Variants in REPS1 observed in about 807,000 individuals in gnomAD.
REPS1 encodes the protein RALBP1 associated Eps domain containing 1, also known as ralBP1-associated Eps domain-containing protein 1.
In REPS1, 39 loss-of-function variants were observed where a neutral mutation model predicts 100.9. The ratio of observed to expected loss-of-function variants is 0.39; its 90% CI spans 0.30 to 0.50. The LOEUF is 0.50. Among genes scored for constraint, REPS1 ranks in the 20% least tolerant of loss-of-function variants. The pLI is 0.86. For missense variants in REPS1, 821 were observed against 968.5 expected (o/e 0.85, Z 2.02); for synonymous variants, 324 against 340.3 (o/e 0.95, Z 0.53).
At position 138,988,201 on chromosome 6, in the gene REPS1, C is replaced by T. The variant is rs1785392994; in HGVS notation, c.-519G>A. The T allele has an allele frequency of 1.5e-5, 6 of 398,536 alleles. No homozygotes were observed. In the Admixed American group the frequency reaches 2.6e-4, roughly 18 times the overall value. The allele number at this position is 398,536 out of a possible 1,614,324, so 24.7% of individuals were successfully genotyped here. On this transcript the variant is annotated 5_prime_UTR_variant, in exon 1 of 20. Coordinates refer to ENST00000450536, the MANE Select transcript of REPS1 (RefSeq NM_001286611.2). ...GTGGCCGCCGCTCCGCCTCCCTCCG[C>T]CGCCATTTACAGTGCCCCGGCCCGG...
At chr6:138,919,700 G>T (rs192932531) in intron 12 of REPS1, among the ~76,000 whole-genome samples, 20 of 152,092 alleles carry the variant, frequency 1.3e-4, no homozygotes, top group African/African-American at 4.3e-4. Context: ...CATTTTTTTG[G>T]TAAGGCCTTC....
chr6:138,954,751 G>A (rs761271777), intron 1 of REPS1, among the ~76,000 whole-genome samples: 1 of 152,104 alleles, frequency 6.6e-6, no homozygotes, highest in South Asian at 2.1e-4. Flanking sequence ...TAATCCCAAG[G>A]TATCCTATTA....
intron 14 of REPS1, 63 bp downstream of exon 14, chr6:138,915,795 T>A: frequency 8.7e-7 from 1 of 1,147,632 alleles, no homozygotes; most frequent in Admixed American, 2.0e-5. Context: ...ATAAAATGTG[T>A]ATGTGTGTTG....
intron 1 of REPS1, among the ~76,000 whole-genome samples, chr6:138,970,986 T>C (rs975101545): frequency 1.3e-5 from 2 of 152,108 alleles, no homozygotes; most frequent in Non-Finnish European, 2.9e-5. Flanking sequence ...AAAATAACCA[T>C]GAAACAATAC....
intron 1 of REPS1, among the ~76,000 whole-genome samples, chr6:138,964,802 T>C (rs560635894): frequency 1.3e-5 from 2 of 152,212 alleles, no homozygotes; most frequent in East Asian, 3.9e-4. Flanking sequence ...ATACATATTC[T>C]TCTTCCTCTA....
At chr6:138,966,293 G>A (rs543678713) in intron 1 of REPS1, among the ~76,000 whole-genome samples, 6 of 152,192 alleles carry the variant, frequency 3.9e-5, no homozygotes, top group Middle Eastern at 3.4e-3. Context: ...GGTCAAGCAG[G>A]AGCAAATGGG....
chr6:138,903,783 A>T lies in REPS1; in HGVS notation c.*1281T>A, dbSNP rs999277492. The T allele has an allele frequency of 6.6e-6, 1 of 152,200 alleles. No individual in the cohort carries two copies. Among genetic ancestry groups the T allele is most frequent in the Non-Finnish European group, 1.5e-5 (1 of 68,034 alleles). The allele number at this position is 152,200 out of a possible 1,614,324, so 9.4% of individuals were successfully genotyped here. A position where few individuals can be genotyped will look rare whatever the true frequency, so the allele number is the denominator to read the frequency against. The stretch of plus-strand genomic sequence containing the variant: ...ATACTGAAAGCCACTTGGAAACTTC[A>T]GCTGATGTATATTTTTACCTAGATA... On this transcript the variant is annotated 3_prime_UTR_variant, in exon 20 of 20. Transcript: ENST00000450536.
chr6:138,984,298 G>A (rs1785130743), intron 1 of REPS1, among the ~76,000 whole-genome samples: 1 of 151,846 alleles, frequency 6.6e-6, no homozygotes, highest in South Asian at 2.1e-4. Flanking sequence ...GGCCAGGTTG[G>A]TCTCCAACTC....
At chr6:138,941,247 G>C in intron 8 of REPS1, 88 bp downstream of exon 8, 5 of 1,403,714 alleles carry the variant, frequency 3.6e-6, no homozygotes, top group Non-Finnish European at 4.9e-6. Flanking sequence ...ATTAAGCTAA[G>C]GTTAACCTCT....
intron 1 of REPS1, among the ~76,000 whole-genome samples, chr6:138,957,527 G>T (rs191881223): frequency 6.6e-6 from 1 of 152,208 alleles, no homozygotes. Context: ...GAAAAATATT[G>T]AAGGATGTCA....
At chr6:138,987,068 T>C (rs1243576518) in intron 1 of REPS1, among the ~76,000 whole-genome samples, 1 of 152,216 alleles carries the variant, frequency 6.6e-6, no homozygotes, top group Admixed American at 6.5e-5. Flanking sequence ...AAAAAACTGC[T>C]TCTTCGATTC....
intron 1 of REPS1, among the ~76,000 whole-genome samples, chr6:138,958,921 A>C (rs190423339): frequency 6.6e-6 from 1 of 152,334 alleles, no homozygotes; most frequent in East Asian, 1.9e-4. Context: ...GGAGAAAATT[A>C]CATGAGCATC....
chr6:138,937,077 A>G (rs562255231), intron 8 of REPS1, among the ~76,000 whole-genome samples: 34 of 151,784 alleles, frequency 2.2e-4, no homozygotes, highest in Non-Finnish European at 3.7e-4. Flanking sequence ...TCTTACATGG[A>G]TGGCAGGAGG....
intron 16 of REPS1, among the ~76,000 whole-genome samples, chr6:138,912,284 A>G (rs1481361973): frequency 1.3e-5 from 2 of 152,232 alleles, no homozygotes; most frequent in African/African-American, 4.8e-5. Context: ...GTCTTTGCTT[A>G]ACTAAGGCAA....
chr6:138,930,004 T>C lies in REPS1; in HGVS notation c.1230A>G (p.Thr410=). Reference sequence around the variant, plus strand: ...CACTGCTCTGATTCAGCTCAGGCCATGTCTGGTTTAGTGATGGCATCGATG... The same window carrying C: ...CACTGCTCTGATTCAGCTCAGGCCACGTCTGGTTTAGTGATGGCATCGATG... ...KSPSMPSLNQ[T]WPELNQSSEQ... Residue 410 remains threonine (T), a synonymous_variant, in exon 9 of 20, where the codon ACA becomes ACG. Coordinates refer to ENST00000450536, the MANE Select transcript of REPS1 (RefSeq NM_001286611.2). 6.2e-7 allele frequency: 1 copy of C among 1,613,724 alleles called. No individual in the cohort carries two copies.
At position 138,915,483 on chromosome 6, in the gene REPS1, C is replaced by T. The variant is rs562560240; in HGVS notation, c.1720+375G>A. ...TTTTTTTTTTTTGGAGACAGGGTCT[C>T]ACTCTGTCACCCAGGCTGGAGTGCA... On this transcript the variant is annotated intron_variant, in intron 14 of 19. Coordinates refer to ENST00000450536, the MANE Select transcript of REPS1 (RefSeq NM_001286611.2). Among the ~76,000 whole-genome samples, 5 of 147,514 alleles carry T rather than the reference C, an allele frequency of 3.4e-5. No individual in the cohort carries two copies. In the South Asian group the frequency reaches 8.5e-4, roughly 25 times the overall value.
chr6:138,917,412 A>C, intron 13 of REPS1, 143 bp downstream of exon 13: 1 of 627,292 alleles, frequency 1.6e-6, no homozygotes, highest in South Asian at 2.2e-5. Context: ...GAAAGGATCA[A>C]AATTACTTGT....
chr6:138,921,822 C>T (rs1281539159), intron 10 of REPS1, among the ~76,000 whole-genome samples: 4 of 151,798 alleles, frequency 2.6e-5, no homozygotes, highest in Non-Finnish European at 4.4e-5. Flanking sequence ...GTGATCCGCC[C>T]GCCTCGGCCT....
rs890076014 is a variant in REPS1 at position 138,987,632 on chromosome 6, G to A, written c.51C>T (p.Leu17=). The A allele has an allele frequency of 1.5e-5, 24 of 1,551,024 alleles. 1 individual carries two copies. The highest frequency in any genetic ancestry group is 4.9e-5 in the East Asian group (2 of 40,862). The change falls in exon 1 of 20, where the codon CTC becomes CTT. Residue 17 remains leucine, a synonymous_variant. Transcript: ENST00000450536. ...SDAEQKYYSD[L]FSYCDIESTK... Reference sequence around the variant, plus strand: ...TGCTCTCAATGTCGCAGTAGGAGAAGAGATCTGAATAGTATTTCTGCTCCG... The same window carrying A: ...TGCTCTCAATGTCGCAGTAGGAGAAAAGATCTGAATAGTATTTCTGCTCCG...
Sources: allele counts gnomAD v4.1 joint callset (sites outside exome capture counted in the v4.1 genomes callset), GRCh38; gene constraint gnomAD v4.1.1; transcripts MANE v1.5; gene names NCBI Gene and HGNC (gene_info 2026-07-23, HGNC 2026-07-21).